TUBGCP3: variants seen among roughly 807,000 people sequenced by gnomAD.
The protein encoded by TUBGCP3 is gamma-tubulin complex component 3.
TUBGCP3 carries 50 observed loss-of-function variants against 123.1 expected under a neutral mutation model. The ratio of observed to expected loss-of-function variants is 0.41; its 90% CI spans 0.32 to 0.51. The LOEUF (loss-of-function observed/expected upper bound fraction) is 0.51, where lower values mean the gene tolerates loss of function less well. TUBGCP3 is among the 20% of genes least tolerant of loss of function. The probability of loss-of-function intolerance (pLI) is 0.36; values close to 1 mark genes in which losing one functional copy is unlikely to be tolerated. For missense variants in TUBGCP3, 882 were observed against 1,127.0 expected (o/e 0.78, Z 3.11); for synonymous variants, 405 against 413.9 (o/e 0.98, Z 0.26).
intron 1 of TUBGCP3, among the ~76,000 whole-genome samples, chr13:112,577,373 C>G (rs769534987): frequency 2.6e-5 from 4 of 152,120 alleles, no homozygotes; most frequent in Non-Finnish European, 5.9e-5. Context: ...GGGTCTTCCT[C>G]CCAAAAATAT....
At chr13:112,494,506 GC>G (rs1880391611) in intron 20 of TUBGCP3, among the ~76,000 whole-genome samples, 1 of 152,208 alleles carries the variant, frequency 6.6e-6, no homozygotes. Context: ...AGCACCACAG[GC>G]CACGGAGCAA....
chr13:112,525,809 T>C (rs1318778358), intron 13 of TUBGCP3, among the ~76,000 whole-genome samples: 1 of 152,236 alleles, frequency 6.6e-6, no homozygotes, highest in African/African-American at 2.4e-5. Context: ...ATTAGCAATA[T>C]TTTTTCTGTT....
intron 3 of TUBGCP3, among the ~76,000 whole-genome samples, chr13:112,561,284 G>A (rs1043222982): frequency 3.3e-5 from 5 of 152,172 alleles, no homozygotes; most frequent in Non-Finnish European, 7.3e-5. Flanking sequence ...GGGCCCGTGA[G>A]GCTCAGGCAC....
At chr13:112,547,327 G>A (rs1879094162) in intron 10 of TUBGCP3, 2 of 410,368 alleles carry the variant, frequency 4.9e-6, no homozygotes, top group Non-Finnish European at 8.4e-6. Context: ...GCCAGCCCGA[G>A]CTTCTACCAT....
In TUBGCP3 at chr13:112,485,929, T is replaced by C; in HGVS notation, c.*64A>G. Reference sequence around the variant, plus strand: ...GCATGCAGTTCCTGCAGGACGTCAATGGGAATTTCGTGTCTAGCAGTGCAA... The same window carrying C: ...GCATGCAGTTCCTGCAGGACGTCAACGGGAATTTCGTGTCTAGCAGTGCAA... On this transcript the variant is annotated 3_prime_UTR_variant, in exon 22 of 22. Coordinates refer to ENST00000261965, the MANE Select transcript of TUBGCP3 (RefSeq NM_006322.6). The C allele has an allele frequency of 2.5e-6, 3 of 1,187,254 alleles. No homozygotes were observed. The highest frequency in any genetic ancestry group is 3.5e-6 in the Non-Finnish European group (3 of 848,734). 73.5% of individuals were successfully genotyped at this position (1,187,254 alleles called of 1,614,324 possible).
chr13:112,536,858 A>G (rs1878098363), intron 11 of TUBGCP3, among the ~76,000 whole-genome samples: 1 of 152,008 alleles, frequency 6.6e-6, no homozygotes, highest in South Asian at 2.1e-4. Flanking sequence ...TGCAGCCTCA[A>G]CCTCTTGGGC....
chr13:112,561,025 A>G lies in TUBGCP3; in HGVS notation c.253-1626T>C, dbSNP rs866560434. 1.2e-4 allele frequency among the ~76,000 whole-genome samples: 19 copies of G among 152,360 alleles called. No homozygotes were observed. The South Asian group carries it at 1.4e-3, about 12-fold the overall frequency. Reference sequence around the variant, plus strand: ...GCCAGGAGTCAGGAGGGAAGCTGACATCGGAATGAGGCCTCCACGCTGCAC... The same window carrying G: ...GCCAGGAGTCAGGAGGGAAGCTGACGTCGGAATGAGGCCTCCACGCTGCAC... On this transcript the variant is annotated intron_variant, in intron 3 of 21. Coordinates refer to ENST00000261965, the MANE Select transcript of TUBGCP3 (RefSeq NM_006322.6).
rs1876138884 is a variant in TUBGCP3, at chr13:112,516,464, C to T, written c.2062G>A (p.Ala688Thr). 4 of 1,610,620 alleles carry T rather than the reference C, an allele frequency of 2.5e-6. No homozygotes were observed. Among genetic ancestry groups the T allele is most frequent in the Non-Finnish European group, 3.4e-6 (4 of 1,178,474 alleles). Residue 688 changes from alanine to threonine, a missense_variant, in exon 17 of 22, where the codon GCA (alanine) becomes ACA (threonine). This residue lies in a region of TUBGCP3 where 713 missense variants were observed against 874.0 expected (regional missense o/e 0.82). Coordinates refer to ENST00000261965, the MANE Select transcript of TUBGCP3 (RefSeq NM_006322.6). ...CCTGGCATGTTTCTCAGGAGCTTTG[C>T]ATTGCACATGTGTCCCTTCCGTATG... ...TDIRKGHMCN[A>T]KLLRNMPEFS...
At chr13:112,562,624 G>A (rs1233156000) in intron 3 of TUBGCP3, among the ~76,000 whole-genome samples, 6 of 152,170 alleles carry the variant, frequency 3.9e-5, no homozygotes, top group Admixed American at 3.9e-4. Flanking sequence ...CACAGAGTGG[G>A]CAGGAGTGGG....
At chr13:112,521,647 G>A in intron 14 of TUBGCP3, 1 of 983,982 alleles carries the variant, frequency 1.0e-6, no homozygotes, top group Non-Finnish European at 1.2e-6. Context: ...TGTCTTAAAG[G>A]GAACATTTAT....
chr13:112,598,901 G>A, the TUBGCP3 span, among the ~76,000 whole-genome samples: 317 of 143,446 alleles, frequency 2.2e-3, 1 homozygote, highest in Middle Eastern at 7.6e-3. Context: ...AGCCAAAATC[G>A]CACCACTGCA....
intron 21 of TUBGCP3, 44 bp from the exon 22 acceptor site, chr13:112,486,195 C>A (rs745332712): frequency 5.9e-5 from 95 of 1,607,960 alleles, no homozygotes; most frequent in Admixed American, 2.4e-4. Flanking sequence ...CAGAAAAGAA[C>A]AACCCACAAA....
At position 112,499,448 on chromosome 13, in the gene TUBGCP3, C is replaced by T. The variant is rs73566327; in HGVS notation, c.2308-263G>A. ...AATCGTGACTGCCCAAGTCCCACGG[C>T]GGGCCAGGAGCTCTCTGCAAATCAC... On this transcript the variant is annotated intron_variant, in intron 19 of 21. Transcript: ENST00000261965. 9.9e-3 allele frequency among the ~76,000 whole-genome samples: 1,501 copies of T among 152,274 alleles called. 22 individuals carry two copies. The highest frequency in any genetic ancestry group is 0.034 in the African/African-American group (1,417 of 41,548).
intron 1 of TUBGCP3, among the ~76,000 whole-genome samples, chr13:112,575,224 A>G (rs540075058): frequency 2.0e-5 from 3 of 152,230 alleles, no homozygotes; most frequent in Non-Finnish European, 4.4e-5. Context: ...AGCCCAACTG[A>G]GACATGATGA....
At chr13:112,493,839 C>T (rs1358146658) in intron 20 of TUBGCP3, among the ~76,000 whole-genome samples, 15 of 149,102 alleles carry the variant, frequency 1.0e-4, no homozygotes, top group African/African-American at 3.3e-4. Flanking sequence ...CCCTCAGACG[C>T]TCTAGCTATA....
chr13:112,581,218 A>G (rs1380791014), intron 1 of TUBGCP3, among the ~76,000 whole-genome samples: 1 of 152,112 alleles, frequency 6.6e-6, no homozygotes, highest in African/African-American at 2.4e-5. Context: ...TCCCTATTCT[A>G]GCTAAAGCAG....
At chr13:112,494,932 G>A (rs894780183) in intron 20 of TUBGCP3, among the ~76,000 whole-genome samples, 1 of 152,124 alleles carries the variant, frequency 6.6e-6, no homozygotes, top group Non-Finnish European at 1.5e-5. Context: ...GTTTTTTCCT[G>A]TTGAGCTGTT....
intron 1 of TUBGCP3, among the ~76,000 whole-genome samples, chr13:112,571,271 T>C (rs370947966): frequency 5.9e-5 from 9 of 152,230 alleles, no homozygotes; most frequent in African/African-American, 1.9e-4. Flanking sequence ...AATGTGTTTC[T>C]CAAGTGATAA....
chr13:112,504,580 G>A (rs1881160799), intron 18 of TUBGCP3, 46 bp downstream of exon 18: 1 of 1,458,976 alleles, frequency 6.9e-7, no homozygotes, highest in African/African-American at 1.4e-5. Context: ...TAAAAGCCAA[G>A]ACATGACTTA....
Sources: gnomAD v4.1 joint callset for allele counts (sites outside exome capture counted in the v4.1 genomes callset) on GRCh38, gnomAD v4.1.1 for gene constraint, gnomAD v4.1.1 regional missense constraint, MANE v1.5 for transcripts, NCBI Gene and HGNC (gene_info 2026-07-23, HGNC 2026-07-21) for gene names.